The following OSBPL6 variants were observed in gnomAD, a reference collection of about 807,000 sequenced individuals.
OSBPL6 encodes the protein oxysterol binding protein like 6.
A neutral mutation model predicts 125.8 loss-of-function variants in OSBPL6; 49 were observed. The observed-to-expected ratio is 0.39, with a 90% CI of 0.31 to 0.49. The LOEUF (loss-of-function observed/expected upper bound fraction) is 0.49, where lower values mean the gene tolerates loss of function less well. OSBPL6 is among the 20% of genes least tolerant of loss of function. OSBPL6 has a pLI of 0.88. For synonymous variants in OSBPL6, 394 were observed against 391.8 expected (o/e 1.01, Z -0.07); for missense variants, 986 against 1,135.4 (o/e 0.87, Z 1.89).
intron 2 of OSBPL6, among the ~76,000 whole-genome samples, chr2:178,285,687 T>C (rs928453465): frequency 2.0e-5 from 3 of 152,222 alleles, no homozygotes; most frequent in African/African-American, 7.2e-5. Context: ...CTATTTGATA[T>C]CTTAGGCCTA....
At chr2:178,202,491 T>G (rs1168692424) in intron 1 of OSBPL6, among the ~76,000 whole-genome samples, 1 of 152,244 alleles carries the variant, frequency 6.6e-6, no homozygotes, top group African/African-American at 2.4e-5. Context: ...TCCTTATCTT[T>G]GTACATACTG....
chr2:178,313,713 C>T (rs1365815958), intron 3 of OSBPL6, among the ~76,000 whole-genome samples: 3 of 152,216 alleles, frequency 2.0e-5, no homozygotes, highest in Non-Finnish European at 4.4e-5. Context: ...ATTTCAATTA[C>T]ATGAGTATCT....
chr2:178,298,712 T>G (rs978039110), intron 2 of OSBPL6, among the ~76,000 whole-genome samples: 1 of 151,570 alleles, frequency 6.6e-6, no homozygotes, highest in African/African-American at 2.4e-5. Flanking sequence ...TTTTGTTTTT[T>G]TTTTTTTGCC....
chr2:178,300,112 A>C (rs1574801441), intron 2 of OSBPL6, among the ~76,000 whole-genome samples: 1 of 152,362 alleles, frequency 6.6e-6, no homozygotes, highest in Non-Finnish European at 1.5e-5. Flanking sequence ...TATATATCTC[A>C]AATTGAGGAA....
intron 1 of OSBPL6, among the ~76,000 whole-genome samples, chr2:178,272,711 C>G (rs1316913615): frequency 6.6e-6 from 1 of 152,222 alleles, no homozygotes; most frequent in African/African-American, 2.4e-5. Context: ...CAAAACTTGT[C>G]TGAGTGCAGG....
chr2:178,245,437 C>T (rs2091454430), intron 1 of OSBPL6, among the ~76,000 whole-genome samples: 1 of 152,160 alleles, frequency 6.6e-6, no homozygotes, highest in Non-Finnish European at 1.5e-5. Context: ...GATGTTTTCA[C>T]TGTGTAGTGG....
At chr2:178,291,845 T>C (rs1480698679) in intron 2 of OSBPL6, among the ~76,000 whole-genome samples, 1 of 130,346 alleles carries the variant, frequency 7.7e-6, no homozygotes, top group Non-Finnish European at 1.7e-5. Flanking sequence ...TTGATGTCTT[T>C]TTCCTACAAC....
intron 3 of OSBPL6, among the ~76,000 whole-genome samples, chr2:178,317,613 TGAAA>T (rs1316894561): frequency 6.6e-6 from 1 of 151,180 alleles, no homozygotes; most frequent in Admixed American, 6.6e-5. Flanking sequence ...AAATATTTGC[TGAAA>T]GAATGAATAT....
upstream of OSBPL6, among the ~76,000 whole-genome samples, chr2:178,194,088 C>G (rs957167522): frequency 6.6e-6 from 1 of 152,226 alleles, no homozygotes; most frequent in Non-Finnish European, 1.5e-5. Flanking sequence ...GCGCTGGAGC[C>G]GTTCTGGGCA....
intron 15 of OSBPL6, among the ~76,000 whole-genome samples, chr2:178,376,653 TA>T (rs1693902427): frequency 6.6e-6 from 1 of 152,218 alleles, no homozygotes; most frequent in African/African-American, 2.4e-5. Flanking sequence ...GATAATATTC[TA>T]AACTCCTTAG....
At chr2:178,373,189 A>T (rs7607321) in intron 14 of OSBPL6, among the ~76,000 whole-genome samples, 85,258 of 151,990 alleles carry the variant, frequency 0.56, 24,323 homozygotes, top group East Asian at 0.89. Context: ...CTGTGTTCTC[A>T]GATAACACTT....
chr2:178,322,673 T>A (rs189781447), intron 3 of OSBPL6, among the ~76,000 whole-genome samples: 1 of 152,296 alleles, frequency 6.6e-6, no homozygotes, highest in African/African-American at 2.4e-5. Flanking sequence ...TTCTATTAAA[T>A]AGTGAGGGAG....
Position 178,387,132 on chromosome 2 carries a change from C to A in OSBPL6, c.2149C>A (p.Leu717Ile). 2 of 1,609,698 alleles carry A rather than the reference C, an allele frequency of 1.2e-6. No homozygotes were observed. The highest frequency in any genetic ancestry group is 1.7e-6 in the Non-Finnish European group (2 of 1,176,438). Residue 717 changes from leucine to isoleucine, a missense_variant, in exon 20 of 25, where the codon CTT (leucine) becomes ATT (isoleucine). By Grantham distance (5) the Leu-to-Ile change is conservative (BLOSUM62 2). Transcript: ENST00000190611. ...GCCTGTTGGAACACTGAATGTCATG[C>A]TTCCAAAGTAGGTGACTCACACCTC... ...ILPVGTLNVM[L>I]PKYGDYYVWN...
intron 15 of OSBPL6, among the ~76,000 whole-genome samples, chr2:178,377,355 C>G (rs1265174606): frequency 1.3e-5 from 2 of 152,318 alleles, no homozygotes; most frequent in East Asian, 3.9e-4. Context: ...ATCAGGAAGA[C>G]AGTACCAAAG....
chr2:178,261,103 G>A (rs1416539118), intron 1 of OSBPL6, among the ~76,000 whole-genome samples: 1 of 152,190 alleles, frequency 6.6e-6, no homozygotes, highest in Admixed American at 6.5e-5. Flanking sequence ...CTGCGCTCCA[G>A]CCTGGGCAAC....
At chr2:178,237,822 G>T (rs1012935955) in intron 1 of OSBPL6, among the ~76,000 whole-genome samples, 2 of 152,112 alleles carry the variant, frequency 1.3e-5, no homozygotes, top group Non-Finnish European at 2.9e-5. Context: ...GTTTAGAAAT[G>T]ATTCTTGCAA....
chr2:178,304,510 C>G (rs1686580738), intron 2 of OSBPL6, among the ~76,000 whole-genome samples: 1 of 152,156 alleles, frequency 6.6e-6, no homozygotes, highest in African/African-American at 2.4e-5. Context: ...TCTGGTTCCT[C>G]CCATGACATA....
At chr2:178,312,157 ATTTTT>A (rs67156772) in intron 3 of OSBPL6, among the ~76,000 whole-genome samples, 6 of 101,198 alleles carry the variant, frequency 5.9e-5, no homozygotes, top group East Asian at 5.3e-4. Flanking sequence ...GATTTTTGTA[ATTTTT>A]TTTTTTTTTT....
intron 1 of OSBPL6, among the ~76,000 whole-genome samples, chr2:178,206,236 G>C (rs1372253390): frequency 6.6e-6 from 1 of 152,226 alleles, no homozygotes; most frequent in Non-Finnish European, 1.5e-5. Context: ...TTTATGTGTG[G>C]TGAAAAAGCT....
Sources: allele counts gnomAD v4.1 joint callset (sites outside exome capture counted in the v4.1 genomes callset), GRCh38; gene constraint gnomAD v4.1.1; transcripts MANE v1.5; gene names NCBI Gene and HGNC (gene_info 2026-07-23, HGNC 2026-07-21).